Variants in APC observed in about 807,000 individuals in gnomAD.
APC encodes the protein adenomatous polyposis coli protein.
In APC, 72 loss-of-function variants were observed where a neutral mutation model predicts 247.0. That is an observed-to-expected ratio of 0.29 (90% CI 0.24 to 0.35). The LOEUF is 0.35. APC is among the 10% of genes least tolerant of loss of function. The pLI is 1.00. For synonymous variants in APC, 1,254 were observed against 1,162.5 expected (o/e 1.08, Z -1.60); for missense variants, 3,400 against 3,360.7 (o/e 1.01, Z -0.29).
chr5:112,741,919 C>T (rs553082763), intron 1 of APC, among the ~76,000 whole-genome samples: 35 of 152,196 alleles, frequency 2.3e-4, no homozygotes, highest in Middle Eastern at 3.4e-3. Flanking sequence ...CATAATGTCT[C>T]GAAGGTTCAT....
intron 4 of APC, among the ~76,000 whole-genome samples, chr5:112,774,505 G>T (rs1757390025): frequency 7.8e-6 from 1 of 128,538 alleles, no homozygotes. Context: ...CCATTGCCCA[G>T]GCTGGAATGC....
intron 2 of APC, among the ~76,000 whole-genome samples, chr5:112,760,759 G>A (rs1755558548): frequency 6.6e-6 from 1 of 152,002 alleles, no homozygotes; most frequent in African/African-American, 2.4e-5. Flanking sequence ...CAAGGAACTG[G>A]GAAAACCAAA....
At chr5:112,809,141 C>G (rs944496805) in intron 8 of APC, among the ~76,000 whole-genome samples, 3 of 150,462 alleles carry the variant, frequency 2.0e-5, no homozygotes, top group African/African-American at 7.4e-5. Context: ...CACTTGAACC[C>G]AAGAGTTTGA....
chr5:112,825,355 G>A (rs1425345702), intron 11 of APC, among the ~76,000 whole-genome samples: 1 of 152,170 alleles, frequency 6.6e-6, no homozygotes, highest in Admixed American at 6.5e-5. Flanking sequence ...TGTTTAGAGT[G>A]TGCATCTAAT....
chr5:112,743,725 C>T (rs1005622149), intron 1 of APC, among the ~76,000 whole-genome samples: 17 of 152,188 alleles, frequency 1.1e-4, no homozygotes, highest in Non-Finnish European at 2.1e-4. Flanking sequence ...AACACCAGTT[C>T]TGTGGGCGCT....
chr5:112,742,082 G>A (rs11951746), intron 1 of APC, among the ~76,000 whole-genome samples: 5,797 of 152,196 alleles, frequency 0.038, 369 homozygotes, highest in African/African-American at 0.13. Context: ...TACTATGAAC[G>A]TGGGTGTGCA....
chr5:112,722,218 G>A (rs1474335534), intron 1 of APC, among the ~76,000 whole-genome samples: 1 of 152,158 alleles, frequency 6.6e-6, no homozygotes, highest in Non-Finnish European at 1.5e-5. Context: ...TAGTACTAAA[G>A]TAATACACTG....
Position 112,844,124 on chromosome 5 carries a change from TAA to T in APC, c.*1_*2del. ...TGGGTCTTACCTTGTGACATCTGTT[TAA>T]AAGAGAGGAAGAATGAAACTAAGAA... Reference protein sequence around the residue: ...HSGSYLVTSV* With the variant: ...HSGSYLVTSVX On this transcript the variant is annotated frameshift_variant and stop_lost, in exon 16 of 16. Coordinates refer to ENST00000257430, the MANE Select transcript of APC (RefSeq NM_000038.6). LOFTEE classifies it high-confidence loss of function. The T allele has an allele frequency of 6.2e-7, 1 of 1,609,432 alleles. No individual in the cohort carries two copies. The highest frequency in any genetic ancestry group is 8.5e-7 in the Non-Finnish European group (1 of 1,175,894).
intron 1 of APC, among the ~76,000 whole-genome samples, chr5:112,709,773 T>C (rs1750742682): frequency 6.6e-6 from 1 of 151,692 alleles, no homozygotes; most frequent in Non-Finnish European, 1.5e-5. Flanking sequence ...GGCATGGTGG[T>C]GCATGCCTGT....
intron 2 of APC, among the ~76,000 whole-genome samples, chr5:112,758,005 T>C (rs1755188125): frequency 6.6e-6 from 1 of 152,200 alleles, no homozygotes; most frequent in Non-Finnish European, 1.5e-5. Flanking sequence ...AGCTTTATTT[T>C]AAAAATAAGT....
At position 112,839,731 on chromosome 5, in the gene APC, G is replaced by A. The variant is rs754292742; in HGVS notation, c.4137G>A (p.Glu1379=). 1.2e-6 allele frequency: 2 copies of A among 1,614,088 alleles called. No homozygotes were observed. Among genetic ancestry groups the A allele is most frequent in the South Asian group, 1.1e-5 (1 of 91,068 alleles). ...PKSPPEHYVQ[E]TPLMFSRCTS... ...GTCCACCTGAACACTATGTTCAGGAGACCCCACTCATGTTTAGCAGATGTA... is the reference window on the plus strand; with the variant it reads ...GTCCACCTGAACACTATGTTCAGGAAACCCCACTCATGTTTAGCAGATGTA... Residue 1379 remains glutamate (E), a synonymous_variant, in exon 16 of 16, where the codon GAG becomes GAA. Coordinates refer to ENST00000257430, the MANE Select transcript of APC (RefSeq NM_000038.6). The surrounding 1 kb of genome is among the most constrained non-coding windows in gnomAD (Gnocchi z 5.0).
At chr5:112,781,342 G>T (rs1192767437) in intron 6 of APC, among the ~76,000 whole-genome samples, 1 of 152,222 alleles carries the variant, frequency 6.6e-6, no homozygotes, top group Non-Finnish European at 1.5e-5. Flanking sequence ...GAAGTAAGTT[G>T]TATGGAGAAC....
At chr5:112,828,112 T>C in intron 13 of APC, 106 bp downstream of exon 13, 1 of 884,426 alleles carries the variant, frequency 1.1e-6, no homozygotes, top group Non-Finnish European at 1.8e-6. Flanking sequence ...CTCAGCTCAC[T>C]GCAACCTCTG....
Position 112,819,391 on chromosome 5 carries a change from G to T in APC, c.1312+47G>T, listed in dbSNP as rs924919382. On this transcript the variant is annotated intron_variant, in intron 10 of 15. Transcript: ENST00000257430. ...TCGTAGTGCATGTTTCAAAGCAAAT[G>T]TGAAATTTTTAAACAGAAAACATGT... The T allele has an allele frequency of 1.9e-6, 3 of 1,612,780 alleles. No individual in the cohort carries two copies. The highest frequency in any genetic ancestry group is 1.7e-4 in the Middle Eastern group (1 of 5,996).
chr5:112,770,549 A>C (rs185773427), intron 4 of APC, among the ~76,000 whole-genome samples: 1 of 152,224 alleles, frequency 6.6e-6, no homozygotes. Flanking sequence ...CTTTATCTGG[A>C]GAGAAAGAGG....
At chr5:112,819,481 T>C in intron 10 of APC, 137 bp downstream of exon 10, 2 of 1,169,368 alleles carry the variant, frequency 1.7e-6, no homozygotes, top group Non-Finnish European at 2.4e-6. Flanking sequence ...GTGCTACTCA[T>C]ATTTAAAAGA....
intron 5 of APC, among the ~76,000 whole-genome samples, chr5:112,777,369 C>T (rs967603597): frequency 6.6e-6 from 1 of 151,982 alleles, no homozygotes; most frequent in Non-Finnish European, 1.5e-5. Flanking sequence ...TGGAAATTTC[C>T]CCTAATATAT....
At chr5:112,811,160 G>A (rs1364430321) in intron 8 of APC, among the ~76,000 whole-genome samples, 1 of 152,212 alleles carries the variant, frequency 6.6e-6, no homozygotes, top group African/African-American at 2.4e-5. Flanking sequence ...AGGAAAGTTG[G>A]ATAGGAAAAA....
chr5:112,825,522 C>A (rs563145469), intron 11 of APC, among the ~76,000 whole-genome samples: 1 of 152,116 alleles, frequency 6.6e-6, no homozygotes, highest in Non-Finnish European at 1.5e-5. Context: ...TTGCTTAGAA[C>A]GCATCTTTCT....
Sources: allele counts gnomAD v4.1 joint callset (sites outside exome capture counted in the v4.1 genomes callset), GRCh38; gene constraint gnomAD v4.1.1; non-coding constraint Gnocchi (gnomAD v3.1); transcripts MANE v1.5; gene names NCBI Gene and HGNC (gene_info 2026-07-23, HGNC 2026-07-21).